Variants in COL4A1 observed in about 807,000 individuals in gnomAD.
COL4A1 encodes the protein collagen alpha-1(IV) chain.
In COL4A1, 40 loss-of-function variants were observed where a neutral mutation model predicts 216.6. The observed-to-expected ratio is 0.18, with a 90% CI of 0.14 to 0.24. The LOEUF (loss-of-function observed/expected upper bound fraction) is 0.24, where lower values mean the gene tolerates loss of function less well. Ranked by LOEUF, COL4A1 falls within the 10% of genes least tolerant of loss-of-function variation. The probability of loss-of-function intolerance (pLI) is 1.00; values close to 1 mark genes in which losing one functional copy is unlikely to be tolerated. For synonymous variants in COL4A1, 839 were observed against 810.7 expected, an observed-to-expected ratio of 1.03 and a Z score of -0.59; for missense variants, 1,628 against 2,196.8, an observed-to-expected ratio of 0.74 and a Z score of 5.18.
intron 50 of COL4A1, among the ~76,000 whole-genome samples, chr13:110,153,179 T>C (rs2138418414): frequency 6.6e-6 from 1 of 152,310 alleles, no homozygotes; most frequent in Admixed American, 6.5e-5. Flanking sequence ...ATGTGAACTC[T>C]AGAATTTTGG....
At position 110,257,214 on chromosome 13, in the gene COL4A1, T is replaced by C. The variant is rs1263430792; in HGVS notation, c.85-14480A>G. 3.3e-5 allele frequency among the ~76,000 whole-genome samples: 5 copies of C among 152,208 alleles called. No homozygotes were observed. The East Asian group carries it at 9.6e-4, about 29-fold the overall frequency. On this transcript the variant is annotated intron_variant, in intron 1 of 51. Coordinates refer to ENST00000375820, the MANE Select transcript of COL4A1 (RefSeq NM_001845.6). ...ACCAGGTTTGAAAACTCAAACATAA[T>C]GTAAATAGAAACTGCACATAACAAA...
At chr13:110,297,865 T>G (rs1477800996) in intron 1 of COL4A1, among the ~76,000 whole-genome samples, 1 of 152,058 alleles carries the variant, frequency 6.6e-6, no homozygotes, top group African/African-American at 2.4e-5. Context: ...GCTATCAAAC[T>G]ATTACTTCCT....
At chr13:110,253,370 CATATAATTATATGTATT>C (rs1882308520) in intron 1 of COL4A1, among the ~76,000 whole-genome samples, 1 of 9,686 alleles carries the variant, frequency 1.0e-4, no homozygotes, top group Non-Finnish European at 2.1e-4. Flanking sequence ...ATTACATATA[CATATAATTATATGTATT>C]ACATATACAT....
rs986196545 is a variant in COL4A1, at chr13:110,268,895, G to A, written c.85-26161C>T. Reference sequence around the variant, plus strand: ...CAGTGAGAAGTGGAAAGGAACCCAAGGAGGAGGGAGTGGGAACACCACCTT... The same window carrying A: ...CAGTGAGAAGTGGAAAGGAACCCAAAGAGGAGGGAGTGGGAACACCACCTT... On this transcript the variant is annotated intron_variant, in intron 1 of 51. Transcript: ENST00000375820. The surrounding 1 kb of genome is among the most constrained non-coding windows in gnomAD (Gnocchi z 4.1). Among the ~76,000 whole-genome samples the A allele has an allele frequency of 4.6e-5, 7 of 152,218 alleles. No homozygotes were observed. Among genetic ancestry groups the A allele is most frequent in the Admixed American group, 1.3e-4 (2 of 15,284 alleles).
chr13:110,248,404 A>C (rs575188663), intron 1 of COL4A1, among the ~76,000 whole-genome samples: 27 of 152,128 alleles, frequency 1.8e-4, no homozygotes, highest in Middle Eastern at 3.4e-3. Context: ...CCTTCCCCCA[A>C]ATTCCACTCC....
At chr13:110,155,070 A>C (rs1295400681) in intron 50 of COL4A1, among the ~76,000 whole-genome samples, 1 of 152,058 alleles carries the variant, frequency 6.6e-6, no homozygotes, top group Non-Finnish European at 1.5e-5. Context: ...TGAGCAGGGG[A>C]GGGTTCTGGC....
chr13:110,152,196 C>T, intron 51 of COL4A1, 138 bp downstream of exon 51: 3 of 1,364,028 alleles, frequency 2.2e-6, no homozygotes, highest in Non-Finnish European at 3.0e-6. Flanking sequence ...GGTCATCTGC[C>T]CATGTCGAAC....
rs975671568 is a variant in COL4A1 at position 110,161,681 on chromosome 13, T to C, written c.4463-312A>G. On this transcript the variant is annotated intron_variant, in intron 48 of 51. Transcript: ENST00000375820. ...GCAGAAAATGCAGATGCTCTTTCTA[T>C]AGCAGCTTGCTGATTCTAACCCTGA... 5.1e-4 allele frequency among the ~76,000 whole-genome samples: 78 copies of C among 152,272 alleles called. 1 individual carries two copies. The highest frequency in any genetic ancestry group is 3.0e-3 in the Admixed American group (46 of 15,290).
rs950333649 is a variant in COL4A1 at position 110,207,997 on chromosome 13, C to T, written c.694-508G>A. Among the ~76,000 whole-genome samples the T allele has an allele frequency of 1.3e-5, 2 of 152,170 alleles. No homozygotes were observed. Among genetic ancestry groups the T allele is most frequent in the African/African-American group, 4.8e-5 (2 of 41,434 alleles). On this transcript the variant is annotated intron_variant, in intron 12 of 51. Transcript: ENST00000375820. This position sits in a 1 kb window ranked among gnomAD's most constrained non-coding sequence, Gnocchi z 4.4. ...TTCAAAGTTTATGAAAAGACTGGGCCAAAATCTTGGGTGGCAAGCAGAGGC... is the reference window on the plus strand; with the variant it reads ...TTCAAAGTTTATGAAAAGACTGGGCTAAAATCTTGGGTGGCAAGCAGAGGC...
chr13:110,170,133 G>GGAAGGAAGGAAGGAAA (rs1877563319), intron 42 of COL4A1, among the ~76,000 whole-genome samples: 20 of 64,474 alleles, frequency 3.1e-4, no homozygotes, highest in African/African-American at 7.9e-4. Flanking sequence ...AAGGAAGGAA[G>GGAAGGAAGGAAGGAAA]GAAGGAAGGA....
intron 20 of COL4A1, 130 bp downstream of exon 20, chr13:110,200,724 G>C (rs1203665715): frequency 2.0e-6 from 2 of 1,023,314 alleles, no homozygotes; most frequent in Non-Finnish European, 3.0e-6. Flanking sequence ...TTCATCACTA[G>C]AAAAGATGTC....
intron 22 of COL4A1, among the ~76,000 whole-genome samples, chr13:110,193,713 T>G (rs1878750785): frequency 6.6e-6 from 1 of 152,204 alleles, no homozygotes; most frequent in Non-Finnish European, 1.5e-5. Flanking sequence ...GGGATGCCCC[T>G]CAGTCAGAAG....
intron 2 of COL4A1, among the ~76,000 whole-genome samples, chr13:110,240,076 G>A (rs1881492677): frequency 6.6e-6 from 1 of 152,166 alleles, no homozygotes; most frequent in Non-Finnish European, 1.5e-5. Context: ...AAACCATTTA[G>A]CTATTGTCCT....
intron 1 of COL4A1, among the ~76,000 whole-genome samples, chr13:110,246,605 A>T (rs1275840981): frequency 6.6e-6 from 1 of 152,164 alleles, no homozygotes; most frequent in Non-Finnish European, 1.5e-5. Flanking sequence ...CTCCCAGAAA[A>T]ATCTAAAGCT....
In COL4A1 at chr13:110,304,497, G is replaced by T. The variant is rs544826185; in HGVS notation, c.84+2447C>A. On this transcript the variant is annotated intron_variant, in intron 1 of 51. Coordinates refer to ENST00000375820, the MANE Select transcript of COL4A1 (RefSeq NM_001845.6). ...GAGTGTGAAAGCTGCTGCAGGAAGGGTTCATTCCGCCCAGTGCAACTGAGT... is the reference window on the plus strand; with the variant it reads ...GAGTGTGAAAGCTGCTGCAGGAAGGTTTCATTCCGCCCAGTGCAACTGAGT... Among the ~76,000 whole-genome samples the T allele has an allele frequency of 2.6e-5, 4 of 152,320 alleles. No homozygotes were observed. In the South Asian group the frequency reaches 8.3e-4, roughly 32 times the overall value.
chr13:110,206,722 G>C lies in COL4A1; in HGVS notation c.808-7C>G, dbSNP rs9588116. On this transcript the variant is annotated splice_region_variant and splice_polypyrimidine_tract_variant and intron_variant, in intron 14 of 51. Coordinates refer to ENST00000375820, the MANE Select transcript of COL4A1 (RefSeq NM_001845.6). ...CTCCGACCCCTGGCATCCCCTTAAA[G>C]GAATAAAAAGACAAAGAGATTTATT... The C allele has an allele frequency of 0.36, 581,997 of 1,612,834 alleles. 107,411 individuals are homozygous for C. Among genetic ancestry groups the C allele is most frequent in the Admixed American group, 0.48 (28,970 of 59,980 alleles).
chr13:110,221,392 A>C (rs761655726), intron 2 of COL4A1, among the ~76,000 whole-genome samples: 11 of 152,228 alleles, frequency 7.2e-5, no homozygotes, highest in Non-Finnish European at 1.3e-4. Flanking sequence ...CATTCAACAC[A>C]AGAATAACTC....
intron 18 of COL4A1, among the ~76,000 whole-genome samples, chr13:110,202,238 T>TAAAA (rs564963734): frequency 1.1e-4 from 13 of 121,136 alleles, no homozygotes; most frequent in African/African-American, 3.8e-4. Flanking sequence ...GGAACACTCT[T>TAAAA]AAAAAAAAAA....
chr13:110,182,929 ACCT>A, intron 28 of COL4A1, 61 bp downstream of exon 28: 1 of 1,466,946 alleles, frequency 6.8e-7, no homozygotes, highest in Non-Finnish European at 9.4e-7. Context: ...GATGTCTACC[ACCT>A]CCTCTTTTCT....
Sources: gnomAD v4.1 joint callset for allele counts (sites outside exome capture counted in the v4.1 genomes callset) on GRCh38, gnomAD v4.1.1 for gene constraint, Gnocchi (gnomAD v3.1) non-coding constraint, MANE v1.5 for transcripts, NCBI Gene and HGNC (gene_info 2026-07-23, HGNC 2026-07-21) for gene names.